ZNF469: variants seen among roughly 807,000 people sequenced by gnomAD.
The protein encoded by ZNF469 is zinc finger protein 469.
A neutral mutation model predicts 1.0 loss-of-function variants in ZNF469; 1 was observed. The ratio of observed to expected loss-of-function variants is 1.00; its 90% CI spans 0.35 to 4.73. The LOEUF is 4.73. Ranked by LOEUF, ZNF469 falls within the 30% of genes most tolerant of loss-of-function variation. The probability of loss-of-function intolerance (pLI) is 0.16; values close to 1 mark genes in which losing one functional copy is unlikely to be tolerated. For synonymous variants in ZNF469, 2,703 were observed against 2,363.4 expected, an observed-to-expected ratio of 1.14 and a Z score of -4.17; for missense variants, 6,100 against 5,356.3, an observed-to-expected ratio of 1.14 and a Z score of -4.33.
chr16:88,380,530 CACACACGCACTAACACAG>C (rs2092519307), upstream of ZNF469, among the ~76,000 whole-genome samples: 3 of 116,770 alleles, frequency 2.6e-5, no homozygotes, highest in African/African-American at 6.6e-5. Context: ...CACGCACTAA[CACACACGCACTAACACAG>C]ACATGCACTC....
At chr16:88,363,942 A>C in the ZNF469 span, among the ~76,000 whole-genome samples, 1 of 151,906 alleles carries the variant, frequency 6.6e-6, no homozygotes, top group African/African-American at 2.4e-5. Context: ...TTTGCATCTC[A>C]CTCTCTAATG....
the ZNF469 span, among the ~76,000 whole-genome samples, chr16:88,116,920 G>A: frequency 2.0e-5 from 3 of 151,506 alleles, no homozygotes; most frequent in African/African-American, 4.9e-5. Context: ...GAATCTACAC[G>A]TGTGATAAAA....
At chr16:88,207,953 G>C in the ZNF469 span, among the ~76,000 whole-genome samples, 28,413 of 152,074 alleles carry the variant, frequency 0.19, 3,043 homozygotes, top group Middle Eastern at 0.28. Flanking sequence ...CCATGATTTA[G>C]CCTGCCAGAC....
At chr16:88,378,173 G>A (rs2092513852), upstream of ZNF469, among the ~76,000 whole-genome samples, 1 of 152,122 alleles carries the variant, frequency 6.6e-6, no homozygotes, top group Admixed American at 6.5e-5. Context: ...GCGCCATGAT[G>A]TCATCTCCCA....
At chr16:88,118,292 T>C in the ZNF469 span, among the ~76,000 whole-genome samples, 2 of 152,244 alleles carry the variant, frequency 1.3e-5, no homozygotes, top group African/African-American at 4.8e-5. Context: ...GACTGTACAT[T>C]TCTTCTAAGT....
the ZNF469 span, among the ~76,000 whole-genome samples, chr16:88,206,815 G>A: frequency 9.3e-6 from 1 of 107,322 alleles, no homozygotes; most frequent in Non-Finnish European, 2.0e-5. Flanking sequence ...AGGCCGTGGG[G>A]ACGGAGGGGA....
intron 1 of ZNF469, among the ~76,000 whole-genome samples, chr16:88,402,635 C>A (rs74032842): frequency 6.6e-6 from 1 of 152,106 alleles, no homozygotes; most frequent in African/African-American, 2.4e-5. Flanking sequence ...TCTGCCCCCA[C>A]GGTCAGGGCC....
the ZNF469 span, among the ~76,000 whole-genome samples, chr16:88,321,040 G>A: frequency 7.9e-5 from 12 of 152,270 alleles, no homozygotes; most frequent in Non-Finnish European, 1.6e-4. Context: ...AAATGTTGGG[G>A]TCAGGGTGGG....
intron 1 of ZNF469, among the ~76,000 whole-genome samples, chr16:88,401,860 A>T (rs1484285788): frequency 6.7e-6 from 1 of 149,080 alleles, no homozygotes; most frequent in Non-Finnish European, 1.5e-5. Context: ...ACAAGGGTGG[A>T]GGAATAGGTA....
At chr16:88,182,280 T>C in the ZNF469 span, among the ~76,000 whole-genome samples, 1 of 152,156 alleles carries the variant, frequency 6.6e-6, no homozygotes, top group African/African-American at 2.4e-5. Context: ...GGACTCAGTA[T>C]TGTTAAGATG....
rs1400914723 is a variant in ZNF469, at chr16:88,434,916, C to A, written c.7446C>A (p.Arg2482=). Residue 2482 remains arginine, a synonymous_variant, in exon 3 of 3, where the codon CGC becomes CGA. Coordinates refer to ENST00000565624, the MANE Select transcript of ZNF469 (RefSeq NM_001367624.2). ...GTGAGGTCTGCGCAGCCTCCTTCCG[C>A]TCCGGGCCGGGCCTGAGCCGGCACA... The part of the protein sequence containing the change: ...VTCEVCAASF[R]SGPGLSRHKA... The A allele has an allele frequency of 1.3e-6, 2 of 1,550,162 alleles. No homozygotes were observed. Among genetic ancestry groups the A allele is most frequent in the African/African-American group, 1.4e-5 (1 of 73,070 alleles).
At chr16:88,173,071 G>A in the ZNF469 span, among the ~76,000 whole-genome samples, 1 of 152,104 alleles carries the variant, frequency 6.6e-6, no homozygotes, top group African/African-American at 2.4e-5. Flanking sequence ...ATGGCCAAAC[G>A]TTTTTTGAAT....
chr16:88,121,173 G>A, the ZNF469 span, among the ~76,000 whole-genome samples: 1 of 17,482 alleles, frequency 5.7e-5, no homozygotes, highest in Non-Finnish European at 2.2e-4. Flanking sequence ...ATTGTGGGGT[G>A]GGGGTTGGGG....
the ZNF469 span, among the ~76,000 whole-genome samples, chr16:88,310,886 G>T: frequency 6.6e-6 from 1 of 152,060 alleles, no homozygotes; most frequent in East Asian, 1.9e-4. Context: ...CTTGCCCTGC[G>T]CCCAACTGTC....
chr16:88,279,502 A>ATGG, the ZNF469 span, among the ~76,000 whole-genome samples: 134 of 129,312 alleles, frequency 1.0e-3, no homozygotes, highest in African/African-American at 3.7e-3. Flanking sequence ...ATCAGTGCAC[A>ATGG]GTTAGTGCTG....
Position 88,437,735 on chromosome 16 carries a change from C to G in ZNF469, c.10265C>G (p.Ser3422Cys). 1.9e-6 allele frequency: 3 copies of G among 1,549,840 alleles called. No homozygotes were observed. Among genetic ancestry groups the G allele is most frequent in the Non-Finnish European group, 2.6e-6 (3 of 1,146,630 alleles). ...RIIKKSFACS[S>C]CNYTFAKKEQ... ...ATCAAGAAGTCCTTCGCCTGCAGCT[C>G]CTGCAACTACACCTTCGCCAAGAAG... Residue 3422 changes from serine (S) to cysteine (C), a missense_variant, in exon 3 of 3, where the codon TCC (serine) becomes TGC (cysteine). Ser to Cys is a moderately radical substitution (Grantham distance 112). Coordinates refer to ENST00000565624, the MANE Select transcript of ZNF469 (RefSeq NM_001367624.2).
chr16:88,128,320 C>A, the ZNF469 span, among the ~76,000 whole-genome samples: 1,355 of 152,150 alleles, frequency 8.9e-3, 14 homozygotes, highest in African/African-American at 0.031. Flanking sequence ...TGGTGCAGCC[C>A]TCTCCAAGGA....
the ZNF469 span, among the ~76,000 whole-genome samples, chr16:88,134,149 C>G: frequency 6.6e-6 from 1 of 152,092 alleles, no homozygotes; most frequent in Non-Finnish European, 1.5e-5. Flanking sequence ...GATCCCAGTA[C>G]TTAGGTTTAG....
At chr16:88,400,856 C>T (rs937269060) in intron 1 of ZNF469, among the ~76,000 whole-genome samples, 1 of 151,870 alleles carries the variant, frequency 6.6e-6, no homozygotes, top group South Asian at 2.1e-4. Flanking sequence ...AACCCCAAGA[C>T]AGTGGTTACC....
Sources: gnomAD v4.1 joint callset for allele counts (sites outside exome capture counted in the v4.1 genomes callset) on GRCh38, gnomAD v4.1.1 for gene constraint, MANE v1.5 for transcripts, NCBI Gene and HGNC (gene_info 2026-07-23, HGNC 2026-07-21) for gene names.